Variants in SGCB observed in about 807,000 individuals in gnomAD.
The protein encoded by SGCB is sarcoglycan beta.
A neutral mutation model predicts 27.3 loss-of-function variants in SGCB; 25 were observed. The ratio of observed to expected loss-of-function variants is 0.92; its 90% confidence interval spans 0.67 to 1.28. The LOEUF (loss-of-function observed/expected upper bound fraction) is 1.28, where lower values mean the gene tolerates loss of function less well. Ranked by LOEUF, SGCB falls within the 50% of genes most tolerant of loss-of-function variation. SGCB has a pLI of 0.00. For synonymous variants in SGCB, 147 were observed against 133.5 expected (o/e 1.10, Z -0.70); for missense variants, 436 against 402.1 (o/e 1.08, Z -0.72).
chr4:52,027,834 A>G (rs1737140285), intron 5 of SGCB, 134 bp downstream of exon 5: 1 of 818,290 alleles, frequency 1.2e-6, no homozygotes, highest in African/African-American at 1.7e-5. Flanking sequence ...TTTACTTCAC[A>G]ACCCACTTTG....
Position 52,038,248 on chromosome 4 carries a change from C to CGA in SGCB, c.11_12insTC (p.Ala5ArgfsTer15). On this transcript the variant is annotated frameshift_variant, in exon 1 of 6. Coordinates refer to ENST00000381431, the MANE Select transcript of SGCB (RefSeq NM_000232.5). LOFTEE classifies it high-confidence loss of function. Reference sequence around the variant, plus strand: ...AGACCTGTTCTGCAGCCGCCGCCGCCGCTGCCGCCATCTTCCCGCGCCCGC... The same window carrying CGA: ...AGACCTGTTCTGCAGCCGCCGCCGCCGAGCTGCCGCCATCTTCCCGCGCCCGC... The CGA allele has an allele frequency of 1.6e-6, 2 of 1,288,568 alleles. No individual in the cohort carries two copies. Among genetic ancestry groups the CGA allele is most frequent in the Non-Finnish European group, 2.0e-6 (2 of 1,013,974 alleles). 79.8% of individuals were successfully genotyped at this position (1,288,568 alleles called of 1,614,324 possible).
chr4:52,027,838 C>A, intron 5 of SGCB, 130 bp downstream of exon 5: 1 of 839,284 alleles, frequency 1.2e-6, no homozygotes, highest in Non-Finnish European at 1.9e-6. Flanking sequence ...CTTCACAACC[C>A]ACTTTGAACA....
Position 52,028,935 on chromosome 4 carries a change from A to T in SGCB, c.430-14T>A. ...CTGAAAAACAATCTTCAAAAAAAAC[A>T]GTTTATTGTGAATATATTTTCAAAG... On this transcript the variant is annotated splice_polypyrimidine_tract_variant and intron_variant, in intron 3 of 5. Coordinates refer to ENST00000381431, the MANE Select transcript of SGCB (RefSeq NM_000232.5). The T allele has an allele frequency of 6.3e-7, 1 of 1,595,400 alleles. No individual in the cohort carries two copies.
In SGCB at chr4:52,023,907, T is replaced by TA. The variant is rs754607880; in HGVS notation, c.*49dup. On this transcript the variant is annotated 3_prime_UTR_variant, in exon 6 of 6. Transcript: ENST00000381431. ...CTGTAAAAACAATGATTTGCATGCA[T>TA]AAAAAAGTCAAGTCAAGATATAAAC... 12 of 1,456,242 alleles carry TA rather than the reference T, an allele frequency of 8.2e-6. 1 individual carries two copies. The South Asian group carries it at 1.3e-4, about 15-fold the overall frequency. 90.2% of individuals were successfully genotyped at this position (1,456,242 alleles called of 1,614,324 possible). A position where few individuals can be genotyped will look rare whatever the true frequency, so the allele number is the denominator to read the frequency against.
chr4:52,030,846 AT>A lies in SGCB; in HGVS notation c.244-984del, dbSNP rs1405463261. On this transcript the variant is annotated intron_variant, in intron 2 of 5. Transcript: ENST00000381431. ...TTCTAAGCAATGTATGAGAAGTAAA[AT>A]TTTTTGGAAAGTGTGCATGGCAAAA... Among the ~76,000 whole-genome samples, 3 of 152,132 alleles carry A rather than the reference AT, an allele frequency of 2.0e-5. No individual in the cohort carries two copies. The East Asian group carries it at 5.8e-4, about 29-fold the overall frequency.
intron 1 of SGCB, among the ~76,000 whole-genome samples, chr4:52,035,992 A>C (rs972438659): frequency 4.6e-5 from 7 of 152,240 alleles, no homozygotes; most frequent in Admixed American, 4.6e-4. Flanking sequence ...AGGTGCTCCA[A>C]GCTACCAGGA....
chr4:52,034,864 G>A (rs1737345688), intron 1 of SGCB, among the ~76,000 whole-genome samples: 1 of 152,126 alleles, frequency 6.6e-6, no homozygotes. Flanking sequence ...TGAATGTAAA[G>A]GCTACATGAC....
chr4:52,028,989 ATATTT>A (rs776330368), intron 3 of SGCB, 68 bp from the exon 4 acceptor site: 27 of 1,197,224 alleles, frequency 2.3e-5, no homozygotes, highest in Non-Finnish European at 3.1e-5. Flanking sequence ...CCTGAACAAT[ATATTT>A]TAAAAATTAC....
At chr4:52,030,479 C>T (rs755234004) in intron 2 of SGCB, among the ~76,000 whole-genome samples, 1 of 152,150 alleles carries the variant, frequency 6.6e-6, no homozygotes, top group Non-Finnish European at 1.5e-5. Flanking sequence ...TACCTTGTCT[C>T]TCAGAATTTA....
intron 5 of SGCB, among the ~76,000 whole-genome samples, 199 bp downstream of exon 5, chr4:52,027,769 C>T (rs1212299791): frequency 6.6e-6 from 1 of 152,088 alleles, no homozygotes; most frequent in East Asian, 1.9e-4. Context: ...TATAAACATA[C>T]ATATGTTCTG....
Position 52,028,042 on chromosome 4 carries a change from G to C in SGCB, c.679C>G (p.Arg227Gly). Residue 227 changes from arginine to glycine, a missense_variant, in exon 5 of 6, where the codon CGT becomes GGT. Transcript: ENST00000381431. ...ATAATGAATACACCTTCATTTCCAC[G>C]CACAATAGCACGCCCATCAACTTTT... ...NIKVDGRAIV[R>G]GNEGVFIMGK... 1 of 1,612,608 alleles carries C rather than the reference G, an allele frequency of 6.2e-7. No individual in the cohort carries two copies. Among genetic ancestry groups the C allele is most frequent in the Non-Finnish European group, 8.5e-7 (1 of 1,178,778 alleles).
At position 52,033,474 on chromosome 4, in the gene SGCB, C is replaced by G; in HGVS notation, c.200G>C (p.Cys67Ser). 1 of 1,613,772 alleles carries G rather than the reference C, an allele frequency of 6.2e-7. No homozygotes were observed. Among genetic ancestry groups the G allele is most frequent in the Non-Finnish European group, 8.5e-7 (1 of 1,179,712 alleles). ...LRGRKGNLAI[C>S]VIILLFILAV... ...CAGGATAAACAAGAGGATAATCACA[C>G]AGATGGCTAAATTGCCCTTTCTTCC... The change falls in exon 2 of 6, where the codon TGT becomes TCT. Residue 67 changes from cysteine (C) to serine (S), a missense_variant. By Grantham distance (112) the Cys-to-Ser change is moderately radical. Coordinates refer to ENST00000381431, the MANE Select transcript of SGCB (RefSeq NM_000232.5).
intron 1 of SGCB, among the ~76,000 whole-genome samples, chr4:52,035,676 A>C (rs928502681): frequency 2.6e-5 from 4 of 152,308 alleles, no homozygotes; most frequent in Middle Eastern, 3.4e-3. Context: ...GTAGTAATGG[A>C]GGATTGAGGT....
chr4:52,029,728 C>T lies in SGCB; in HGVS notation c.379G>A (p.Val127Ile), dbSNP rs746101699. 3 of 1,613,880 alleles carry T rather than the reference C, an allele frequency of 1.9e-6. No homozygotes were observed. Among genetic ancestry groups the T allele is most frequent in the Non-Finnish European group, 2.5e-6 (3 of 1,179,860 alleles). ...AAATTTTCATTTCGCCTTCCTCCTA[C>T]TGTGCTTTTATAAAGAGGGTGGATC... is the stretch of plus-strand genomic sequence containing the variant. ...GVIHPLYKST[V>I]GGRRNENLVI... Residue 127 changes from valine (V) to isoleucine (I), a missense_variant, in exon 3 of 6, where the codon GTA becomes ATA. Val to Ile is a conservative substitution (Grantham distance 29, BLOSUM62 3). Transcript: ENST00000381431.
intron 5 of SGCB, among the ~76,000 whole-genome samples, 158 bp from the exon 6 acceptor site, chr4:52,024,318 A>G (rs1737030838): frequency 6.6e-6 from 1 of 152,210 alleles, no homozygotes; most frequent in Admixed American, 6.5e-5. Flanking sequence ...AAAACAAAAT[A>G]TCAGGATTCA....
chr4:52,036,347 T>TA (rs1737391962), intron 1 of SGCB, among the ~76,000 whole-genome samples: 2 of 152,082 alleles, frequency 1.3e-5, no homozygotes. Flanking sequence ...GTGAGAAGGA[T>TA]AGGTGTAGGG....
chr4:52,034,331 C>CAAAAAAAAAAA (rs541129158), intron 1 of SGCB, among the ~76,000 whole-genome samples: 12 of 26,516 alleles, frequency 4.5e-4, no homozygotes, highest in African/African-American at 1.1e-3. Context: ...GACTCCGTCT[C>CAAAAAAAAAAA]AAAAAAAAAA....
chr4:52,023,702 C>A lies in SGCB; in HGVS notation c.*255G>T. ...GGAATTTTAAAAACACGTCTTTAAACATGACTTTTGATTTTATTTGCTTCT... is the reference window on the plus strand; with the variant it reads ...GGAATTTTAAAAACACGTCTTTAAAAATGACTTTTGATTTTATTTGCTTCT... On this transcript the variant is annotated 3_prime_UTR_variant, in exon 6 of 6. Coordinates refer to ENST00000381431, the MANE Select transcript of SGCB (RefSeq NM_000232.5). The A allele has an allele frequency of 2.3e-6, 1 of 440,600 alleles. No individual in the cohort carries two copies. The highest frequency in any genetic ancestry group is 4.1e-6 in the Non-Finnish European group (1 of 242,480). The allele number at this position is 440,600 out of a possible 1,614,324, so 27.3% of individuals were successfully genotyped here. A position where few individuals can be genotyped will look rare whatever the true frequency, so the allele number is the denominator to read the frequency against.
chr4:52,028,204 A>C, intron 4 of SGCB, 105 bp from the exon 5 acceptor site: 1 of 866,130 alleles, frequency 1.2e-6, no homozygotes, highest in South Asian at 1.5e-5. Context: ...ATGAAAGTCA[A>C]ATGTTTCTAT....
Sources: allele counts gnomAD v4.1 joint callset (sites outside exome capture counted in the v4.1 genomes callset), GRCh38; gene constraint gnomAD v4.1.1; transcripts MANE v1.5; gene names NCBI Gene and HGNC (gene_info 2026-07-23, HGNC 2026-07-21).